MTCL1: variants seen among roughly 807,000 people sequenced by gnomAD.
MTCL1 encodes microtubule crosslinking factor 1, also known as microtubule cross-linking factor 1.
In MTCL1, 79 loss-of-function variants were observed where a neutral mutation model predicts 141.4. The observed-to-expected ratio is 0.56, with a 90% confidence interval of 0.47 to 0.67. MTCL1 has a LOEUF of 0.67. MTCL1 is among the 30% of genes least tolerant of loss of function. The pLI, the probability that MTCL1 is intolerant of heterozygous loss-of-function variation, is 0.00. For synonymous variants in MTCL1, 914 were observed against 875.8 expected (o/e 1.04, Z -0.77); for missense variants, 2,177 against 2,113.9 (o/e 1.03, Z -0.59).
chr18:8,777,446 G>A (rs1225630827), intron 4 of MTCL1, among the ~76,000 whole-genome samples: 2 of 152,294 alleles, frequency 1.3e-5, no homozygotes, highest in East Asian at 1.9e-4. Flanking sequence ...GATTTGGAAC[G>A]TGAACCAGCT....
chr18:8,707,083 T>G, intron 1 of MTCL1: 1 of 180,518 alleles, frequency 5.5e-6, no homozygotes, highest in Non-Finnish European at 1.1e-5. Context: ...TAGGAACAGG[T>G]GATCCTTCGC....
upstream of MTCL1, among the ~76,000 whole-genome samples, chr18:8,714,701 C>T (rs1175406881): frequency 2.0e-5 from 3 of 152,196 alleles, no homozygotes; most frequent in Admixed American, 2.0e-4. Context: ...CACTGGGTCC[C>T]TCCTGTGACA....
exon 6 of MTCL1, chr18:8,784,382 A>G: frequency 1.3e-6 from 2 of 1,528,118 alleles, no homozygotes; most frequent in South Asian, 1.3e-5. Flanking sequence ...AATGTTTGAG[A>G]AGACGTCGGG....
Position 8,796,406 on chromosome 18 carries a change from C to A in MTCL1, c.2185C>A (p.Leu729Met), listed in dbSNP as rs2075920526. Residue 729 changes from leucine to methionine, a missense_variant, in exon 9 of 17, where the codon CTG (leucine) becomes ATG (methionine). Transcript: ENST00000359865. ...CTTCTACGTCAAACTCAGGTGGCTG[C>A]TGAAACACTGGCGGCAAGGGAAGCA... The A allele has an allele frequency of 1.9e-6, 3 of 1,614,044 alleles. No individual in the cohort carries two copies. The African/African-American group carries it at 4.0e-5, about 22-fold the overall frequency.
At chr18:8,803,690 C>T (rs1341725173) in intron 10 of MTCL1, among the ~76,000 whole-genome samples, 1 of 152,234 alleles carries the variant, frequency 6.6e-6, no homozygotes, top group African/African-American at 2.4e-5. Context: ...GCCACCTTCA[C>T]CCCAAAGCAA....
At chr18:8,801,632 G>C (rs985077556) in intron 10 of MTCL1, 1 of 152,202 alleles carries the variant, frequency 6.6e-6, no homozygotes, top group Non-Finnish European at 1.5e-5. Context: ...AGTTAACCAT[G>C]GCCTGCAGTT....
In MTCL1 at chr18:8,825,827, T is replaced by C. The variant is rs771463551; in HGVS notation, c.4317T>C (p.Ile1439=). 9.3e-6 allele frequency: 15 copies of C among 1,614,118 alleles called. No individual in the cohort carries two copies. The Admixed American group carries it at 2.5e-4, about 27-fold the overall frequency. The change falls in exon 15 of 17, where the codon ATT becomes ATC. Residue 1439 remains isoleucine, a synonymous_variant. Coordinates refer to ENST00000359865, the Ensembl canonical transcript of MTCL1. ...GGGAGAGCCCCGTGCACACCACCATTAATGATGGCCTCTCCAGCCTCTTCA... is the reference window on the plus strand; with the variant it reads ...GGGAGAGCCCCGTGCACACCACCATCAATGATGGCCTCTCCAGCCTCTTCA...
chr18:8,828,903 T>C lies in MTCL1; in HGVS notation c.4723-5T>C, dbSNP rs746100103. ...TTCTTTTCTTTCTCTGTCTGTTCTG[T>C]CCAGAACCAAACTGTCTTGCTAACT... On this transcript the variant is annotated splice_region_variant and splice_polypyrimidine_tract_variant and intron_variant, in intron 15 of 16. Transcript: ENST00000359865. This position sits in a 1 kb window ranked among gnomAD's most constrained non-coding sequence, Gnocchi z 5.2. 6.2e-7 allele frequency: 1 copy of C among 1,614,230 alleles called. No individual in the cohort carries two copies. Among genetic ancestry groups the C allele is most frequent in the East Asian group, 2.2e-5 (1 of 44,892 alleles).
At chr18:8,720,307 T>A (rs940100421) in intron 3 of MTCL1, 31 bp from the exon 3 acceptor site, 1 of 1,612,216 alleles carries the variant, frequency 6.2e-7, no homozygotes, top group African/African-American at 1.3e-5. Flanking sequence ...AAGCCTCATA[T>A]CCTGATAATG....
intron 4 of MTCL1, among the ~76,000 whole-genome samples, chr18:8,742,737 C>T (rs1214899619): frequency 2.6e-5 from 4 of 152,212 alleles, no homozygotes; most frequent in African/African-American, 4.8e-5. Context: ...TACCTACACA[C>T]GTGTTATTTA....
chr18:8,825,490 T>C (rs558297667), exon 15 of MTCL1: 1 of 1,610,928 alleles, frequency 6.2e-7, no homozygotes, highest in Admixed American at 1.7e-5. Flanking sequence ...ACCATCAGTG[T>C]GGGCTTGCAG....
chr18:8,789,502 C>G, intron 7 of MTCL1: 1 of 985,404 alleles, frequency 1.0e-6, no homozygotes, highest in Non-Finnish European at 1.2e-6. Flanking sequence ...AAGCCACTTT[C>G]TCTGGAGGTA....
intron 4 of MTCL1, among the ~76,000 whole-genome samples, chr18:8,724,533 T>G (rs1434689808): frequency 2.0e-5 from 3 of 152,232 alleles, no homozygotes; most frequent in Non-Finnish European, 4.4e-5. Flanking sequence ...ACGTTGAATG[T>G]GTACACGATT....
intron 4 of MTCL1, among the ~76,000 whole-genome samples, chr18:8,776,722 G>GTTATTTATTTAT (rs140591538): frequency 7.0e-6 from 1 of 142,678 alleles, no homozygotes; most frequent in Admixed American, 7.0e-5. Context: ...GGAAACACTA[G>GTTATTTATTTAT]TTATTTATTT....
rs186805037 is a variant in MTCL1 at position 8,830,713 on chromosome 18, G to A, written c.*19-894G>A. On this transcript the variant is annotated intron_variant, in intron 16 of 16. Transcript: ENST00000359865. The surrounding 1 kb of genome is among the most constrained non-coding windows in gnomAD (Gnocchi z 6.4). ...GTGTCTGAGTGTCATTCCAGCCAGC[G>A]GGCTCCATGCTGGGCAACTCAGTTT... is the stretch of plus-strand genomic sequence containing the variant. The A allele has an allele frequency of 2.1e-4, 206 of 985,402 alleles. No homozygotes were observed. Among genetic ancestry groups the A allele is most frequent in the Middle Eastern group, 1.6e-3 (3 of 1,914 alleles). 61.0% of individuals were successfully genotyped at this position (985,402 alleles called of 1,614,324 possible).
intron 4 of MTCL1, among the ~76,000 whole-genome samples, chr18:8,766,021 C>G (rs115272415): frequency 0.01 from 1,536 of 152,216 alleles, 28 homozygotes; most frequent in African/African-American, 0.035. Context: ...ACACATTCAC[C>G]CTTATGTACC....
chr18:8,718,837 T>C (rs531263946), intron 3 of MTCL1, among the ~76,000 whole-genome samples, 189 bp downstream of exon 2: 1 of 152,294 alleles, frequency 6.6e-6, no homozygotes, highest in South Asian at 2.1e-4. Flanking sequence ...GGTTTACATT[T>C]GTCATAATAT....
intron 8 of MTCL1, 53 bp downstream of exon 7, chr18:8,793,173 A>G: frequency 1.2e-6 from 2 of 1,602,996 alleles, no homozygotes; most frequent in Non-Finnish European, 8.5e-7. Flanking sequence ...GCAGAGCCCC[A>G]AAGGAGAAAT....
intron 4 of MTCL1, among the ~76,000 whole-genome samples, chr18:8,754,060 T>G (rs998667530): frequency 6.6e-6 from 1 of 152,192 alleles, no homozygotes; most frequent in Non-Finnish European, 1.5e-5. Context: ...ATTTTCCCCC[T>G]ACTTCCTATT....
Sources: allele counts gnomAD v4.1 joint callset (sites outside exome capture counted in the v4.1 genomes callset), GRCh38; gene constraint gnomAD v4.1.1; non-coding constraint Gnocchi (gnomAD v3.1); transcripts MANE v1.5; gene names NCBI Gene and HGNC (gene_info 2026-07-23, HGNC 2026-07-21).